EPHA3: variants seen among roughly 807,000 people sequenced by gnomAD.
EPHA3 encodes the protein EPH receptor A3, also known as ephrin type-A receptor 3.
A neutral mutation model predicts 107.1 loss-of-function variants in EPHA3; 42 were observed. The observed-to-expected ratio is 0.39, with a 90% CI of 0.31 to 0.51. The LOEUF (loss-of-function observed/expected upper bound fraction) is 0.51. Among genes scored for constraint, EPHA3 ranks in the 20% least tolerant of loss-of-function variants. EPHA3 has a pLI of 0.78. For synonymous variants in EPHA3, 461 were observed against 424.8 expected (o/e 1.09, Z -1.05); for missense variants, 1,183 against 1,211.2 (o/e 0.98, Z 0.35).
chr3:89,259,414 C>T (rs753159886), intron 3 of EPHA3, among the ~76,000 whole-genome samples: 2 of 152,072 alleles, frequency 1.3e-5, no homozygotes, highest in Non-Finnish European at 2.9e-5. Flanking sequence ...GATGATATTG[C>T]CTGAAATATG....
chr3:89,245,861 A>G (rs1388273370), intron 3 of EPHA3, among the ~76,000 whole-genome samples: 1 of 152,188 alleles, frequency 6.6e-6, no homozygotes, highest in East Asian at 1.9e-4. Context: ...AGCTTTTCTA[A>G]TTCCTTGCTT....
At chr3:89,189,198 C>T (rs181149216) in intron 2 of EPHA3, among the ~76,000 whole-genome samples, 1 of 152,120 alleles carries the variant, frequency 6.6e-6, no homozygotes, top group East Asian at 1.9e-4. Flanking sequence ...AGATGTATAC[C>T]TTAAACTATA....
At chr3:89,449,932 A>C (rs1188617615) in intron 14 of EPHA3, among the ~76,000 whole-genome samples, 6 of 152,158 alleles carry the variant, frequency 3.9e-5, no homozygotes, top group Non-Finnish European at 8.8e-5. Flanking sequence ...ATTTTAACCC[A>C]AAAAGGATCT....
chr3:89,315,995 T>C (rs1706890060), intron 3 of EPHA3, among the ~76,000 whole-genome samples: 1 of 151,862 alleles, frequency 6.6e-6, no homozygotes, highest in African/African-American at 2.4e-5. Flanking sequence ...GGATGAATCA[T>C]AAAAAGGTCC....
At chr3:89,247,111 T>C (rs1455969841) in intron 3 of EPHA3, among the ~76,000 whole-genome samples, 1 of 152,122 alleles carries the variant, frequency 6.6e-6, no homozygotes, top group African/African-American at 2.4e-5. Flanking sequence ...GAAAGATAAG[T>C]AAATCCCAGT....
At chr3:89,401,258 A>AAATGTT (rs1708956730) in intron 7 of EPHA3, among the ~76,000 whole-genome samples, 1 of 152,228 alleles carries the variant, frequency 6.6e-6, no homozygotes, top group Non-Finnish European at 1.5e-5. Context: ...CCAGGTATTG[A>AAATGTT]AATGTTAATG....
rs1257123217 is a variant in EPHA3 at position 89,461,273 on chromosome 3, G to A, written c.2690+10903G>A. 3.0e-4 allele frequency among the ~76,000 whole-genome samples: 33 copies of A among 109,236 alleles called. No homozygotes were observed. In the East Asian group the frequency reaches 8.0e-3, roughly 26 times the overall value. The allele number at this position is 109,236 out of a possible 152,430, so 71.7% of individuals were successfully genotyped here. ...CCAAGTCTTTGCTATTGAGAATAGT[G>A]CCGCAATAAACATACGTGTGCATGT... is the stretch of plus-strand genomic sequence containing the variant. On this transcript the variant is annotated intron_variant, in intron 15 of 16. Transcript: ENST00000336596.
At chr3:89,471,745 G>C (rs1244688692) in intron 15 of EPHA3, among the ~76,000 whole-genome samples, 2 of 151,736 alleles carry the variant, frequency 1.3e-5, no homozygotes, top group African/African-American at 4.8e-5. Flanking sequence ...GTGTGTGTAT[G>C]TGTGTGTGTA....
rs769305278 is a variant in EPHA3, at chr3:89,350,866, A to C, written c.1306+8776A>C. Reference sequence around the variant, plus strand: ...GACCCTCAGCTGCAGGTCTGTTGGAATACCCTGCCTTGTGAGGTGTCAGTG... The same window carrying C: ...GACCCTCAGCTGCAGGTCTGTTGGACTACCCTGCCTTGTGAGGTGTCAGTG... On this transcript the variant is annotated intron_variant, in intron 5 of 16. Coordinates refer to ENST00000336596, the MANE Select transcript of EPHA3 (RefSeq NM_005233.6). Among the ~76,000 whole-genome samples the C allele has an allele frequency of 2.0e-5, 3 of 150,922 alleles. No homozygotes were observed. In the East Asian group the frequency reaches 5.8e-4, roughly 29 times the overall value.
At chr3:89,272,565 C>T (rs1377354578) in intron 3 of EPHA3, among the ~76,000 whole-genome samples, 1 of 151,906 alleles carries the variant, frequency 6.6e-6, no homozygotes, top group Non-Finnish European at 1.5e-5. Flanking sequence ...TTTTTAAGTG[C>T]CCATGTGTTT....
intron 5 of EPHA3, among the ~76,000 whole-genome samples, chr3:89,373,903 C>T (rs1266554574): frequency 6.6e-6 from 1 of 151,678 alleles, no homozygotes; most frequent in Non-Finnish European, 1.5e-5. Flanking sequence ...ATTCTAAGTA[C>T]TAGAATTTAA....
intron 2 of EPHA3, among the ~76,000 whole-genome samples, chr3:89,184,751 A>G (rs554611619): frequency 6.6e-6 from 1 of 152,066 alleles, no homozygotes; most frequent in East Asian, 1.9e-4. Flanking sequence ...CCCCACATCT[A>G]ATAAGAGGGA....
At chr3:89,466,714 G>A (rs1457433143) in intron 15 of EPHA3, among the ~76,000 whole-genome samples, 2 of 134,294 alleles carry the variant, frequency 1.5e-5, no homozygotes, top group East Asian at 2.0e-4. Context: ...ACACACACTG[G>A]CCTGCGCCCA....
intron 13 of EPHA3, among the ~76,000 whole-genome samples, chr3:89,442,522 A>G (rs1709804335): frequency 6.6e-6 from 1 of 152,150 alleles, no homozygotes; most frequent in Non-Finnish European, 1.5e-5. Context: ...TGCTAATGTA[A>G]TCTAGATGAC....
chr3:89,167,297 T>C (rs569692308), intron 2 of EPHA3, among the ~76,000 whole-genome samples: 2 of 152,224 alleles, frequency 1.3e-5, no homozygotes, highest in Admixed American at 6.5e-5. Context: ...AAATATAAAA[T>C]ACATATACTT....
At chr3:89,283,488 T>A (rs1403149713) in intron 3 of EPHA3, among the ~76,000 whole-genome samples, 1 of 152,082 alleles carries the variant, frequency 6.6e-6, no homozygotes, top group Non-Finnish European at 1.5e-5. Flanking sequence ...TCTGGCTAAT[T>A]TTCTGACAGA....
intron 10 of EPHA3, among the ~76,000 whole-genome samples, chr3:89,418,679 G>T (rs368008691): frequency 6.6e-6 from 1 of 151,264 alleles, no homozygotes; most frequent in Non-Finnish European, 1.5e-5. Context: ...TTTATAGCTG[G>T]TATGTCAGTA....
chr3:89,109,150 T>G (rs1707041018), intron 1 of EPHA3, among the ~76,000 whole-genome samples: 1 of 152,108 alleles, frequency 6.6e-6, no homozygotes, highest in Non-Finnish European at 1.5e-5. Context: ...ATTTGGCAGT[T>G]TTCATTAAAT....
chr3:89,374,899 C>T (rs1212414164), intron 5 of EPHA3, among the ~76,000 whole-genome samples: 1 of 151,662 alleles, frequency 6.6e-6, no homozygotes, highest in Non-Finnish European at 1.5e-5. Context: ...AAAGTAATGC[C>T]ACTAAACCTC....
Sources: allele counts gnomAD v4.1 joint callset (sites outside exome capture counted in the v4.1 genomes callset), GRCh38; gene constraint gnomAD v4.1.1; transcripts MANE v1.5; gene names NCBI Gene and HGNC (gene_info 2026-07-23, HGNC 2026-07-21).